The following COL22A1 variants were observed in gnomAD, a reference collection of about 807,000 sequenced individuals.
The protein encoded by COL22A1 is collagen alpha-1(XXII) chain.
A neutral mutation model predicts 248.9 loss-of-function variants in COL22A1; 221 were observed. The observed-to-expected ratio is 0.89, with a 90% CI of 0.80 to 0.99. The LOEUF (loss-of-function observed/expected upper bound fraction) is 0.99, where lower values mean the gene tolerates loss of function less well. Ranked by LOEUF, COL22A1 falls within the 50% of genes least tolerant of loss-of-function variation. The pLI is 0.00. For synonymous variants in COL22A1, 891 were observed against 793.4 expected, an observed-to-expected ratio of 1.12 and a Z score of -2.07; for missense variants, 2,240 against 2,179.0, an observed-to-expected ratio of 1.03 and a Z score of -0.56.
At position 138,860,394 on chromosome 8, in the gene COL22A1, C is replaced by T. The variant is rs577520990; in HGVS notation, c.659-16236G>A. 1.1e-4 allele frequency among the ~76,000 whole-genome samples: 17 copies of T among 152,272 alleles called. No homozygotes were observed. In the South Asian group the frequency reaches 3.3e-3, roughly 30 times the overall value. Reference sequence around the variant, plus strand: ...ACCCTGACATTGCACCCAGACTGAGCGAGCCAGCACCTCCTCAAATTGTGC... The same window carrying T: ...ACCCTGACATTGCACCCAGACTGAGTGAGCCAGCACCTCCTCAAATTGTGC... On this transcript the variant is annotated intron_variant, in intron 3 of 64. Coordinates refer to ENST00000303045, the MANE Select transcript of COL22A1 (RefSeq NM_152888.3).
At chr8:138,732,139 C>T (rs1586597705) in intron 23 of COL22A1, among the ~76,000 whole-genome samples, 1 of 152,220 alleles carries the variant, frequency 6.6e-6, no homozygotes, top group East Asian at 1.9e-4. Context: ...TTCCCTTCCT[C>T]TCCTCCACTT....
intron 40 of COL22A1, 34 bp downstream of exon 40, chr8:138,679,583 C>G: frequency 6.3e-7 from 1 of 1,598,586 alleles, no homozygotes; most frequent in South Asian, 1.1e-5. Flanking sequence ...GTCCTTCTGT[C>G]TTTTTGCAAA....
chr8:138,708,655 T>C (rs567048030), intron 30 of COL22A1, among the ~76,000 whole-genome samples: 1 of 152,336 alleles, frequency 6.6e-6, no homozygotes, highest in South Asian at 2.1e-4. Context: ...GTTAAAGACT[T>C]AAACATTAGA....
chr8:138,796,672 A>C, intron 12 of COL22A1, 147 bp downstream of exon 12: 2 of 682,422 alleles, frequency 2.9e-6, no homozygotes, highest in Non-Finnish European at 5.3e-6. Flanking sequence ...TGGAGGACAC[A>C]CATTGAGGCC....
chr8:138,766,662 AC>A (rs1026834354), intron 16 of COL22A1, among the ~76,000 whole-genome samples: 31 of 152,164 alleles, frequency 2.0e-4, no homozygotes, highest in African/African-American at 7.0e-4. Context: ...ACGCAGAGAG[AC>A]CGAGAAAGAC....
chr8:138,679,590 C>A (rs375358268), intron 40 of COL22A1, 27 bp downstream of exon 40: 273 of 1,606,904 alleles, frequency 1.7e-4, no homozygotes, highest in South Asian at 9.1e-4. Context: ...TGTCTTTTTG[C>A]AAATGTTTGC....
intron 1 of COL22A1, among the ~76,000 whole-genome samples, chr8:138,902,542 C>T (rs183189003): frequency 6.7e-4 from 102 of 151,470 alleles, no homozygotes; most frequent in Non-Finnish European, 1.8e-4. Flanking sequence ...CTAAAAAATA[C>T]AAAAACAAAA....
chr8:138,763,850 T>C (rs1833709603), intron 16 of COL22A1, among the ~76,000 whole-genome samples: 1 of 152,160 alleles, frequency 6.6e-6, no homozygotes, highest in Non-Finnish European at 1.5e-5. Context: ...CATTTTCTTC[T>C]CCCTCATCTC....
chr8:138,594,096 G>C lies in COL22A1; in HGVS notation c.4536C>G (p.Gly1512=). Residue 1512 remains glycine, a synonymous_variant, in exon 63 of 65, where the codon GGC becomes GGG. Transcript: ENST00000303045. ...CTGGCTCCCCCATGGGGCCGGCCCG[G>C]CCTGGAAGCCCATCTTTTCCAGGGG... is the stretch of plus-strand genomic sequence containing the variant. ...PGPPGKDGLP[G]RAGPMGEPGR... is the part of the protein sequence containing the mutation. 1 of 1,583,640 alleles carries C rather than the reference G, an allele frequency of 6.3e-7. No homozygotes were observed.
chr8:138,745,779 C>T (rs1192612841), intron 22 of COL22A1, among the ~76,000 whole-genome samples: 1 of 152,074 alleles, frequency 6.6e-6, no homozygotes, highest in Admixed American at 6.5e-5. Flanking sequence ...CTGAAAGGTC[C>T]CACTGCTGCA....
chr8:138,777,433 A>AG (rs1814572801), intron 15 of COL22A1, among the ~76,000 whole-genome samples: 1 of 152,192 alleles, frequency 6.6e-6, no homozygotes, highest in Admixed American at 6.5e-5. Flanking sequence ...TTGCTTGAAA[A>AG]TGACATTTTA....
At position 138,662,069 on chromosome 8, in the gene COL22A1, T is replaced by C; in HGVS notation, c.3201A>G (p.Leu1067=). The C allele has an allele frequency of 6.2e-7, 1 of 1,612,562 alleles. No homozygotes were observed. Among genetic ancestry groups the C allele is most frequent in the African/African-American group, 1.3e-5 (1 of 75,004 alleles). Residue 1067 remains leucine, a synonymous_variant, in exon 43 of 65, where the codon TTA becomes TTG. Coordinates refer to ENST00000303045, the MANE Select transcript of COL22A1 (RefSeq NM_152888.3). ...GDKGSPGSRG[L]PGFPGPQGPA... ...GGCCCTGGGGGCCAGGGAATCCAGG[T>C]AAGCCTCGTGATCCCTGAAGAAAAA...
intron 16 of COL22A1, among the ~76,000 whole-genome samples, chr8:138,770,124 C>T (rs964654378): frequency 6.6e-6 from 1 of 152,158 alleles, no homozygotes; most frequent in Non-Finnish European, 1.5e-5. Flanking sequence ...CTAGTTCCTC[C>T]GATTCCAAGG....
At chr8:138,703,600 G>A (rs959715297) in intron 30 of COL22A1, among the ~76,000 whole-genome samples, 1 of 152,140 alleles carries the variant, frequency 6.6e-6, no homozygotes, top group Admixed American at 6.5e-5. Context: ...TATGCGTAGT[G>A]GTAGATCATT....
Position 138,693,684 on chromosome 8 carries a change from C to T in COL22A1, c.2716G>A (p.Glu906Lys). ...GCTCCAGGAGCCCCATGTGCACCTT[C>T]CTGTCCCTTGGCACCCTGCACAGGA... is the stretch of plus-strand genomic sequence containing the variant. Reference protein sequence around the residue: ...PTGPPGAKGQEGAHGAPGAAG... With the variant: ...PTGPPGAKGQKGAHGAPGAAG... The change falls in exon 35 of 65, where the codon GAA becomes AAA. Residue 906 changes from glutamate (E) to lysine (K), a missense_variant. By Grantham distance (56) the Glu-to-Lys change is moderately conservative. Coordinates refer to ENST00000303045, the MANE Select transcript of COL22A1 (RefSeq NM_152888.3). The T allele has an allele frequency of 6.3e-7, 1 of 1,580,594 alleles. No individual in the cohort carries two copies. The highest frequency in any genetic ancestry group is 8.6e-7 in the Non-Finnish European group (1 of 1,162,840).
At chr8:138,643,184 C>T (rs61100219) in intron 47 of COL22A1, among the ~76,000 whole-genome samples, 4,016 of 152,272 alleles carry the variant, frequency 0.026, 131 homozygotes, top group African/African-American at 0.08. Context: ...GAAGGTCATG[C>T]CCAGTAAGGA....
chr8:138,852,950 C>A (rs187485503), intron 3 of COL22A1, among the ~76,000 whole-genome samples: 4 of 151,864 alleles, frequency 2.6e-5, no homozygotes, highest in African/African-American at 9.7e-5. Context: ...TGAGATCAGC[C>A]TGGCCAACAT....
chr8:138,602,756 G>A (rs1297420619), intron 59 of COL22A1, among the ~76,000 whole-genome samples: 1 of 152,212 alleles, frequency 6.6e-6, no homozygotes, highest in Non-Finnish European at 1.5e-5. Flanking sequence ...ACGGCCCACA[G>A]TGCCCACTGC....
chr8:138,652,958 G>A (rs954053036), intron 45 of COL22A1, among the ~76,000 whole-genome samples: 35 of 151,778 alleles, frequency 2.3e-4, no homozygotes, highest in African/African-American at 8.2e-4. Flanking sequence ...AGTTGGCCAG[G>A]CTGATCTTGC....
Sources: allele counts gnomAD v4.1 joint callset (sites outside exome capture counted in the v4.1 genomes callset), GRCh38; gene constraint gnomAD v4.1.1; transcripts MANE v1.5; gene names NCBI Gene and HGNC (gene_info 2026-07-23, HGNC 2026-07-21).